The following MID1 variants were observed in gnomAD, a reference collection of about 807,000 sequenced individuals.
MID1 encodes E3 ubiquitin-protein ligase Midline-1.
A neutral mutation model predicts 40.4 loss-of-function variants in MID1; 7 were observed. The observed-to-expected ratio is 0.17, with a 90% CI of 0.10 to 0.33. The LOEUF is 0.33. Ranked by LOEUF, MID1 falls within the 10% of genes least tolerant of loss-of-function variation. The pLI is 1.00. For missense variants in MID1, 367 were observed against 558.5 expected, an observed-to-expected ratio of 0.66 and a Z score of 3.46; for synonymous variants, 229 against 221.2, an observed-to-expected ratio of 1.04 and a Z score of -0.31.
intron 3 of MID1, among the ~76,000 whole-genome samples, chrX:10,521,292 G>T (rs1391305371): frequency 9.0e-6 from 1 of 110,669 alleles, no homozygotes; most frequent in Non-Finnish European, 1.9e-5. Flanking sequence ...TTCGACATGA[G>T]ATTGGGGCGG....
intron 1 of MID1, among the ~76,000 whole-genome samples, chrX:10,707,576 C>T (rs1291521464): frequency 8.9e-6 from 1 of 112,188 alleles, no homozygotes; most frequent in Non-Finnish European, 1.9e-5. Context: ...CAGAAATATT[C>T]TGTGAGGACT....
chrX:10,630,159 G>T (rs187922373), intron 1 of MID1, among the ~76,000 whole-genome samples: 1 of 111,976 alleles, frequency 8.9e-6, no homozygotes, highest in Admixed American at 9.5e-5. Context: ...GTACAAATAG[G>T]TTAAGTGCTG....
At chrX:10,716,747 T>G (rs1234286214) in intron 1 of MID1, among the ~76,000 whole-genome samples, 1 of 111,311 alleles carries the variant, frequency 9.0e-6, no homozygotes, top group Non-Finnish European at 1.9e-5. Context: ...AATTGTCAGA[T>G]TCACCAAAGT....
At chrX:10,625,141 A>G (rs1935983079), upstream of MID1, among the ~76,000 whole-genome samples, 1 of 111,707 alleles carries the variant, frequency 9.0e-6, no homozygotes. Context: ...TTATGTAACT[A>G]TGGGGTCTGG....
chrX:10,548,101 T>C (rs1446585803), intron 2 of MID1, among the ~76,000 whole-genome samples: 1 of 111,786 alleles, frequency 8.9e-6, no homozygotes, highest in Non-Finnish European at 1.9e-5. Flanking sequence ...GAAAATGAAC[T>C]GTTGTTATTA....
intron 1 of MID1, among the ~76,000 whole-genome samples, chrX:10,613,732 T>TATATATATAGAGAGAGAG (rs1482081086): frequency 4.6e-4 from 8 of 17,476 alleles, no homozygotes; most frequent in Non-Finnish European, 7.5e-4. Flanking sequence ...TATATATATA[T>TATATATATAGAGAGAGAG]AGAGAGAGAG....
chrX:10,642,724 G>C (rs1279314212), intron 1 of MID1, among the ~76,000 whole-genome samples: 6 of 110,222 alleles, frequency 5.4e-5, no homozygotes, highest in Middle Eastern at 4.2e-3. Context: ...TAAGCCAAAA[G>C]AACAAAGCTG....
At chrX:10,704,735 T>TACACACACACAC (rs1449236211) in intron 1 of MID1, among the ~76,000 whole-genome samples, 40 of 84,872 alleles carry the variant, frequency 4.7e-4, no homozygotes, top group African/African-American at 1.5e-3. Flanking sequence ...TATATATATA[T>TACACACACACAC]ATATACACAC....
intron 1 of MID1, among the ~76,000 whole-genome samples, chrX:10,827,457 C>G (rs1314462722): frequency 1.1e-5 from 1 of 90,236 alleles, no homozygotes; most frequent in Admixed American, 1.2e-4. Context: ...GTCCCCCCCA[C>G]CCCGCCCACC....
At chrX:10,704,765 C>CACACACACACACACACAGAG (rs781699598) in intron 1 of MID1, among the ~76,000 whole-genome samples, 1 of 91,643 alleles carries the variant, frequency 1.1e-5, no homozygotes, top group African/African-American at 4.4e-5. Flanking sequence ...CACACACACA[C>CACACACACACACACACAGAG]AGAGAGAGAG....
intron 5 of MID1, among the ~76,000 whole-genome samples, chrX:10,477,494 T>A (rs1250778133): frequency 8.9e-6 from 1 of 112,219 alleles, no homozygotes; most frequent in Non-Finnish European, 1.9e-5. Flanking sequence ...GGAAAGATAC[T>A]TATCTTTGGC....
intron 1 of MID1, among the ~76,000 whole-genome samples, chrX:10,723,753 C>G (rs950012481): frequency 2.7e-5 from 3 of 111,846 alleles, no homozygotes; most frequent in Non-Finnish European, 5.6e-5. Flanking sequence ...GTGGTTTCAC[C>G]GTGGTCTCGA....
intron 1 of MID1, among the ~76,000 whole-genome samples, chrX:10,718,818 A>T (rs2043325441): frequency 1.8e-5 from 2 of 111,858 alleles, no homozygotes; most frequent in Admixed American, 9.5e-5. Context: ...GGCAAACCGA[A>T]TCCAGCAGCA....
At chrX:10,709,649 A>C (rs193227280) in intron 1 of MID1, among the ~76,000 whole-genome samples, 42 of 112,385 alleles carry the variant, frequency 3.7e-4, no homozygotes, top group African/African-American at 1.3e-3. Context: ...AAATTTATAC[A>C]AGTGGATTCA....
In MID1 at chrX:10,553,272, AT is replaced by A. The variant is rs1242027890; in HGVS notation, c.660+13615del. Among the ~76,000 whole-genome samples, 89 of 104,038 alleles carry A rather than the reference AT, an allele frequency of 8.6e-4. 2 individuals carry two copies. The highest frequency in any genetic ancestry group is 8.1e-3 in the Admixed American group (80 of 9,876). The allele number at this position is 104,038 out of a possible 115,157, so 90.3% of individuals were successfully genotyped here. A position where few individuals can be genotyped will look rare whatever the true frequency, so the allele number is the denominator to read the frequency against. ...AAAAAAAAAAAAAGAAATAAAAAAA[AT>A]ATATATATATATGTATACACACACA... On this transcript the variant is annotated intron_variant, in intron 2 of 9. Transcript: ENST00000317552.
intron 3 of MID1, chrX:10,501,263 C>G: frequency 2.0e-6 from 1 of 507,720 alleles, no homozygotes; most frequent in Non-Finnish European, 3.1e-6. Flanking sequence ...GAGCCGAGAT[C>G]TCAGGCTAGG....
chrX:10,666,147 T>C (rs1448810756), intron 1 of MID1, among the ~76,000 whole-genome samples: 1 of 110,772 alleles, frequency 9.0e-6, no homozygotes, highest in Non-Finnish European at 1.9e-5. Context: ...GGCTATGTCA[T>C]AAGACAAAGG....
intron 1 of MID1, among the ~76,000 whole-genome samples, chrX:10,784,765 A>G (rs1038232326): frequency 9.0e-6 from 1 of 110,684 alleles, no homozygotes; most frequent in South Asian, 3.9e-4. Context: ...TATTTTCAAA[A>G]TTTTTAGATT....
At chrX:10,758,137 T>TG (rs1310787730) in intron 1 of MID1, among the ~76,000 whole-genome samples, 13 of 104,653 alleles carry the variant, frequency 1.2e-4, no homozygotes, top group African/African-American at 3.7e-4. Context: ...CTTTTTTTTT[T>TG]TTTTGTTTTG....
Sources: allele counts gnomAD v4.1 joint callset (sites outside exome capture counted in the v4.1 genomes callset), GRCh38; gene constraint gnomAD v4.1.1; transcripts MANE v1.5; gene names NCBI Gene and HGNC (gene_info 2026-07-23, HGNC 2026-07-21).